Variants in ARHGEF3 observed in about 807,000 individuals in gnomAD.
ARHGEF3 encodes the protein 59.8 kDA protein.
In ARHGEF3, 28 loss-of-function variants were observed where a neutral mutation model predicts 63.2. The observed-to-expected ratio is 0.44, with a 90% CI of 0.33 to 0.61. ARHGEF3 has a LOEUF of 0.61. Ranked by LOEUF, ARHGEF3 falls within the 20% of genes least tolerant of loss-of-function variation. The pLI, the probability that ARHGEF3 is intolerant of heterozygous loss-of-function variation, is 0.03. For missense variants in ARHGEF3, 533 were observed against 659.3 expected, an observed-to-expected ratio of 0.81 and a Z score of 2.10; for synonymous variants, 266 against 254.2, an observed-to-expected ratio of 1.05 and a Z score of -0.44.
intron 3 of ARHGEF3, among the ~76,000 whole-genome samples, chr3:56,895,292 C>T (rs1476868198): frequency 6.6e-6 from 1 of 152,136 alleles, no homozygotes; most frequent in Non-Finnish European, 1.5e-5. Flanking sequence ...GTCATGACTA[C>T]TCTGAAAGAC....
At chr3:56,845,407 C>CCT (rs2039454791) in intron 4 of ARHGEF3, among the ~76,000 whole-genome samples, 1 of 152,186 alleles carries the variant, frequency 6.6e-6, no homozygotes, top group African/African-American at 2.4e-5. Flanking sequence ...GGGGAGAAAT[C>CCT]ATATACAGCC....
At chr3:56,950,514 A>C (rs1352566786) in intron 3 of ARHGEF3, among the ~76,000 whole-genome samples, 18 of 152,216 alleles carry the variant, frequency 1.2e-4, no homozygotes, top group African/African-American at 4.1e-4. Context: ...ATGCAGCCAA[A>C]AGACACATGA....
chr3:56,841,511 A>T (rs186150171), intron 4 of ARHGEF3, among the ~76,000 whole-genome samples: 1 of 152,178 alleles, frequency 6.6e-6, no homozygotes, highest in Non-Finnish European at 1.5e-5. Context: ...GTAGCTGAAT[A>T]AACTTCACTT....
At chr3:56,866,029 G>A (rs116573048) in intron 4 of ARHGEF3, among the ~76,000 whole-genome samples, 4,908 of 152,162 alleles carry the variant, frequency 0.032, 254 homozygotes, top group African/African-American at 0.11. Flanking sequence ...GCCAAGTGTG[G>A]TGGCCTGCAC....
chr3:56,946,064 G>A (rs552166437), intron 3 of ARHGEF3, among the ~76,000 whole-genome samples: 118 of 152,238 alleles, frequency 7.8e-4, no homozygotes, highest in Non-Finnish European at 7.1e-4. Context: ...CGCAGCTGAG[G>A]GTCCTGACTG....
At chr3:56,944,076 T>C (rs1699334694) in intron 3 of ARHGEF3, among the ~76,000 whole-genome samples, 1 of 152,066 alleles carries the variant, frequency 6.6e-6, no homozygotes, top group African/African-American at 2.4e-5. Flanking sequence ...CTCGGGCGGC[T>C]GAGGCAGAAT....
At chr3:56,945,007 A>G (rs1414510002) in intron 3 of ARHGEF3, among the ~76,000 whole-genome samples, 1 of 152,224 alleles carries the variant, frequency 6.6e-6, no homozygotes, top group Non-Finnish European at 1.5e-5. Flanking sequence ...TCTGAGAGGA[A>G]TGACTGCAAT....
chr3:56,752,347 C>T (rs776037699), intron 4 of ARHGEF3, among the ~76,000 whole-genome samples: 9 of 152,134 alleles, frequency 5.9e-5, no homozygotes, highest in Admixed American at 3.3e-4. Context: ...TGTGAGCCAC[C>T]GGACCCGGCT....
chr3:56,990,389 G>T (rs2106946544), intron 2 of ARHGEF3, among the ~76,000 whole-genome samples: 1 of 152,356 alleles, frequency 6.6e-6, no homozygotes, highest in Non-Finnish European at 1.5e-5. Flanking sequence ...TTCGAGACCA[G>T]CCTGGCCAAT....
At chr3:57,019,052 T>C (rs1251154879) in intron 2 of ARHGEF3, among the ~76,000 whole-genome samples, 1 of 152,214 alleles carries the variant, frequency 6.6e-6, no homozygotes, top group African/African-American at 2.4e-5. Context: ...TTAAGCCACC[T>C]GGATTCATTG....
rs190041318 is a variant in ARHGEF3, at chr3:56,992,440, G to A, written c.63-33551C>T. Reference sequence around the variant, plus strand: ...CAGAAAGAAGGTCATGTGGCCTCCAGCATCTGTCTCAATCAGCCCCAGCTG... The same window carrying A: ...CAGAAAGAAGGTCATGTGGCCTCCAACATCTGTCTCAATCAGCCCCAGCTG... On this transcript the variant is annotated intron_variant, in intron 2 of 12. Transcript: ENST00000338458. 6.8e-5 allele frequency among the ~76,000 whole-genome samples: 9 copies of A among 131,636 alleles called. No individual in the cohort carries two copies. The East Asian group carries it at 2.1e-3, about 30-fold the overall frequency. The allele number at this position is 131,636 out of a possible 152,430, so 86.4% of individuals were successfully genotyped here.
At chr3:56,745,176 AAG>A (rs991665584) in intron 7 of ARHGEF3, 27 bp downstream of exon 7, 2 of 1,601,316 alleles carry the variant, frequency 1.2e-6, no homozygotes, top group East Asian at 4.5e-5. Context: ...AAATAACAAG[AAG>A]AGAGAGAAGG....
Position 56,909,630 on chromosome 3 carries a change from A to T in ARHGEF3, c.130-27276T>A, listed in dbSNP as rs541223529. ...TACTGATCACTAGTCAGCACTCAAG[A>T]GGTACCAGTACATCACCATTCATCA... On this transcript the variant is annotated intron_variant, in intron 3 of 12. Transcript: ENST00000338458. Among the ~76,000 whole-genome samples, 3 of 152,362 alleles carry T rather than the reference A, an allele frequency of 2.0e-5. No homozygotes were observed. In the East Asian group the frequency reaches 5.8e-4, roughly 29 times the overall value.
chr3:57,025,382 C>G (rs888603017), intron 2 of ARHGEF3, among the ~76,000 whole-genome samples: 1 of 152,176 alleles, frequency 6.6e-6, no homozygotes, highest in African/African-American at 2.4e-5. Context: ...CCTAGTCCCA[C>G]CCGCTCACTT....
chr3:56,965,930 G>A (rs1056677342), intron 2 of ARHGEF3, among the ~76,000 whole-genome samples: 18 of 151,924 alleles, frequency 1.2e-4, no homozygotes, highest in Admixed American at 2.6e-4. Flanking sequence ...TTACAGGTGT[G>A]AGCCACTGCG....
chr3:56,962,297 T>G (rs969364883), intron 2 of ARHGEF3, among the ~76,000 whole-genome samples: 2 of 152,162 alleles, frequency 1.3e-5, no homozygotes, highest in African/African-American at 4.8e-5. Flanking sequence ...CTGGGTATAT[T>G]TCTTCTATTG....
chr3:56,742,563 TTGTTTTA>T (rs539315115), intron 7 of ARHGEF3, among the ~76,000 whole-genome samples: 29 of 152,342 alleles, frequency 1.9e-4, no homozygotes, highest in Non-Finnish European at 3.5e-4. Context: ...ATATTGGTGC[TTGTTTTA>T]TGTTTTATGT....
At chr3:56,745,774 C>T (rs2034342526) in intron 6 of ARHGEF3, among the ~76,000 whole-genome samples, 1 of 152,092 alleles carries the variant, frequency 6.6e-6, no homozygotes, top group Non-Finnish European at 1.5e-5. Context: ...CGGGTTCACG[C>T]CATTCTCCTG....
At chr3:57,030,955 C>T (rs9841025) in intron 2 of ARHGEF3, among the ~76,000 whole-genome samples, 2 of 152,116 alleles carry the variant, frequency 1.3e-5, no homozygotes, top group Non-Finnish European at 2.9e-5. Context: ...ATCTCACAAA[C>T]GGAAGCACGG....
Sources: allele counts gnomAD v4.1 joint callset (sites outside exome capture counted in the v4.1 genomes callset), GRCh38; gene constraint gnomAD v4.1.1; transcripts MANE v1.5; gene names NCBI Gene and HGNC (gene_info 2026-07-23, HGNC 2026-07-21).